Variants in PCDHGA5 observed in about 807,000 individuals in gnomAD.
PCDHGA5 encodes protocadherin gamma-A5.
Under a neutral mutation model 56.7 loss-of-function variants are expected in PCDHGA5, and 36 were observed. The observed-to-expected ratio is 0.64, with a 90% CI of 0.49 to 0.84. The LOEUF (loss-of-function observed/expected upper bound fraction) is 0.84. PCDHGA5 is among the 40% of genes least tolerant of loss of function. The pLI, the probability that PCDHGA5 is intolerant of heterozygous loss-of-function variation, is 0.00. For synonymous variants in PCDHGA5, 563 were observed against 520.2 expected (o/e 1.08, Z -1.12); for missense variants, 1,305 against 1,201.5 (o/e 1.09, Z -1.27).
At chr5:141,423,387 G>T (rs373190092) in intron 1 of PCDHGA5, 1 of 1,614,162 alleles carries the variant, frequency 6.2e-7, no homozygotes, top group Non-Finnish European at 8.5e-7. Context: ...TGTGGCGCTG[G>T]CATAAGTCAC....
chr5:141,432,659 G>A lies in PCDHGA5; in HGVS notation c.2422-62148G>A. On this transcript the variant is annotated intron_variant, in intron 1 of 3. Coordinates refer to ENST00000518069, the MANE Select transcript of PCDHGA5 (RefSeq NM_018918.3). This position sits in a 1 kb window ranked among gnomAD's most constrained non-coding sequence, Gnocchi z 6.0. ...GGTGCGCACGGCGCGAGCCCTGCTG[G>A]ACAGAGACGCGCTCAAGCAGAGCCT... 1 of 1,613,884 alleles carries A rather than the reference G, an allele frequency of 6.2e-7. No homozygotes were observed. The highest frequency in any genetic ancestry group is 8.5e-7 in the Non-Finnish European group (1 of 1,179,956).
At chr5:141,402,999 T>TATG in intron 1 of PCDHGA5, 1 of 1,613,984 alleles carries the variant, frequency 6.2e-7, no homozygotes, top group Non-Finnish European at 8.5e-7. Context: ...TTAGTCCTGC[T>TATG]ATGCTCGCTC....
rs1386912520 is a variant in PCDHGA5 at position 141,505,425 on chromosome 5, C to T, written c.2513C>T (p.Pro838Leu). 1.2e-6 allele frequency: 2 copies of T among 1,614,060 alleles called. No individual in the cohort carries two copies. The highest frequency in any genetic ancestry group is 1.7e-6 in the Non-Finnish European group (2 of 1,180,022). The change falls in exon 3 of 4, where the codon CCC becomes CTC. Residue 838 changes from proline to leucine, a missense_variant. Physicochemically the swap from Pro to Leu is moderately conservative, Grantham distance 98 (BLOSUM62 -3). Transcript: ENST00000518069. ...AATGGCGATGACACCGGCACCTGGC[C>T]CAACAACCAGTTTGACACAGAGATG... ...SQNGDDTGTW[P>L]NNQFDTEMLQ... is the part of the protein sequence containing the mutation.
intron 1 of PCDHGA5, chr5:141,392,856 CT>C: frequency 1.9e-6 from 3 of 1,612,366 alleles, no homozygotes; most frequent in Non-Finnish European, 2.5e-6. Flanking sequence ...CGAGCTGATC[CT>C]GCTGTGCGCG....
chr5:141,496,554 G>T (rs2099769470), intron 2 of PCDHGA5, among the ~76,000 whole-genome samples: 1 of 152,160 alleles, frequency 6.6e-6, no homozygotes, highest in Non-Finnish European at 1.5e-5. Context: ...TTCTGGGCAT[G>T]CACAGTCCTG....
At chr5:141,378,945 G>A (rs1775265317) in intron 1 of PCDHGA5, 1 of 152,196 alleles carries the variant, frequency 6.6e-6, no homozygotes, top group Admixed American at 6.5e-5. Context: ...TGGAATGAAT[G>A]GAGTACAGGG....
At chr5:141,457,230 A>G (rs1248092452) in intron 1 of PCDHGA5, among the ~76,000 whole-genome samples, 2 of 152,174 alleles carry the variant, frequency 1.3e-5, no homozygotes, top group African/African-American at 4.8e-5. Flanking sequence ...GGTAATTTCC[A>G]TCTAAAATTT....
intron 1 of PCDHGA5, among the ~76,000 whole-genome samples, chr5:141,420,626 C>T (rs1192244062): frequency 6.6e-6 from 1 of 152,152 alleles, no homozygotes; most frequent in Non-Finnish European, 1.5e-5. Flanking sequence ...TTCATTTACT[C>T]AATAAAGGAA....
At chr5:141,408,712 T>G in intron 1 of PCDHGA5, 1 of 1,612,332 alleles carries the variant, frequency 6.2e-7, no homozygotes, top group Non-Finnish European at 8.5e-7. Flanking sequence ...TTAAAGATTA[T>G]AAGATAAACT....
chr5:141,510,280 A>G (rs1218058358), intron 3 of PCDHGA5, among the ~76,000 whole-genome samples: 1 of 151,892 alleles, frequency 6.6e-6, no homozygotes, highest in Non-Finnish European at 1.5e-5. Context: ...CTTAAAAAAA[A>G]AAAAAAAAAA....
intron 1 of PCDHGA5, chr5:141,430,546 G>A (rs1323295073): frequency 2.5e-6 from 1 of 402,156 alleles, no homozygotes; most frequent in Non-Finnish European, 4.4e-6. Context: ...GAGCGCCGCT[G>A]TTCACCAATC....
intron 1 of PCDHGA5, among the ~76,000 whole-genome samples, chr5:141,434,854 A>G (rs2097723190): frequency 6.6e-6 from 1 of 151,936 alleles, no homozygotes; most frequent in Admixed American, 6.6e-5. Context: ...ACATCAATAA[A>G]TTTATATATA....
intron 1 of PCDHGA5, chr5:141,375,441 C>G (rs904228732): frequency 6.2e-7 from 1 of 1,614,030 alleles, no homozygotes. Context: ...CCCACCTTCC[C>G]CCATTCATCC....
At chr5:141,462,497 T>C (rs1333421053) in intron 1 of PCDHGA5, among the ~76,000 whole-genome samples, 1 of 152,244 alleles carries the variant, frequency 6.6e-6, no homozygotes, top group Non-Finnish European at 1.5e-5. Flanking sequence ...TATCCTATAA[T>C]TGTCAACTAG....
At chr5:141,375,072 G>A in intron 1 of PCDHGA5, 8 of 1,614,044 alleles carry the variant, frequency 5.0e-6, no homozygotes, top group Non-Finnish European at 6.8e-6. Flanking sequence ...CTTCGAGACA[G>A]AGCGAAAGTC....
At chr5:141,415,041 G>C in intron 1 of PCDHGA5, 2 of 1,613,530 alleles carry the variant, frequency 1.2e-6, no homozygotes, top group Non-Finnish European at 1.7e-6. Context: ...GACTCTTCGC[G>C]GTGGGGGAGC....
At chr5:141,398,550 A>G (rs1390355431) in intron 1 of PCDHGA5, 2 of 1,613,816 alleles carry the variant, frequency 1.2e-6, no homozygotes, top group Non-Finnish European at 1.7e-6. Context: ...TTGAGCTGCA[A>G]ATAAGTGAGT....
chr5:141,410,797 CTCTA>C (rs375585060), intron 1 of PCDHGA5: 18 of 676,000 alleles, frequency 2.7e-5, no homozygotes, highest in Middle Eastern at 9.7e-4. Context: ...TCATAAGTTG[CTCTA>C]TCTTTTTGTA....
Position 141,512,738 on chromosome 5 carries a change from C to A in PCDHGA5, c.*1565C>A, listed in dbSNP as rs1350606944. 2 of 152,840 alleles carry A rather than the reference C, an allele frequency of 1.3e-5. No individual in the cohort carries two copies. The highest frequency in any genetic ancestry group is 2.1e-4 in the South Asian group (1 of 4,838). The allele number at this position is 152,840 out of a possible 1,614,324, so 9.5% of individuals were successfully genotyped here. A position where few individuals can be genotyped will look rare whatever the true frequency, so the allele number is the denominator to read the frequency against. On this transcript the variant is annotated 3_prime_UTR_variant, in exon 4 of 4. Transcript: ENST00000518069. ...TGGCGGGTGGGCAGCGGGCGGCGGG[C>A]TCCGCGCAGCCGTCTGTCCTTGATC...
Sources: gnomAD v4.1 joint callset for allele counts (sites outside exome capture counted in the v4.1 genomes callset) on GRCh38, gnomAD v4.1.1 for gene constraint, Gnocchi (gnomAD v3.1) non-coding constraint, MANE v1.5 for transcripts, NCBI Gene and HGNC (gene_info 2026-07-23, HGNC 2026-07-21) for gene names.